The following SLC35F1 variants were observed in gnomAD, a reference collection of about 807,000 sequenced individuals.
SLC35F1 encodes solute carrier family 35 member F1.
Under a neutral mutation model 48.7 loss-of-function variants are expected in SLC35F1, and 14 were observed. The observed-to-expected ratio is 0.29, with a 90% CI of 0.19 to 0.45. The LOEUF (loss-of-function observed/expected upper bound fraction) is 0.45, where lower values mean the gene tolerates loss of function less well. Among genes scored for constraint, SLC35F1 ranks in the 20% least tolerant of loss-of-function variants. SLC35F1 has a pLI of 1.00. For missense variants in SLC35F1, 404 were observed against 500.0 expected (o/e 0.81, Z 1.83); for synonymous variants, 190 against 202.2 (o/e 0.94, Z 0.51).
At chr6:118,137,438 G>A (rs986154855) in intron 1 of SLC35F1, among the ~76,000 whole-genome samples, 1 of 152,174 alleles carries the variant, frequency 6.6e-6, no homozygotes, top group Non-Finnish European at 1.5e-5. Context: ...TCTGGACTCA[G>A]AGGAAATTCT....
chr6:118,226,760 A>C (rs565534040), intron 2 of SLC35F1, among the ~76,000 whole-genome samples: 1 of 152,184 alleles, frequency 6.6e-6, no homozygotes, highest in South Asian at 2.1e-4. Flanking sequence ...GTACAAATAT[A>C]TACTTAAGAC....
At chr6:117,916,522 A>G (rs1427571018) in intron 1 of SLC35F1, among the ~76,000 whole-genome samples, 1 of 152,116 alleles carries the variant, frequency 6.6e-6, no homozygotes, top group Non-Finnish European at 1.5e-5. Context: ...CTGTACCTAT[A>G]AGGTGATGAT....
intron 1 of SLC35F1, among the ~76,000 whole-genome samples, chr6:117,940,740 C>G (rs1423971789): frequency 6.6e-6 from 1 of 152,008 alleles, no homozygotes. Flanking sequence ...CCTCCACCTC[C>G]CAGGCTCAGG....
At chr6:118,019,638 G>A (rs925069889) in intron 1 of SLC35F1, among the ~76,000 whole-genome samples, 1 of 152,024 alleles carries the variant, frequency 6.6e-6, no homozygotes, top group Non-Finnish European at 1.5e-5. Context: ...AAAAAGAAAT[G>A]GGTAGTTGAA....
intron 2 of SLC35F1, among the ~76,000 whole-genome samples, chr6:118,232,505 G>T (rs1319235692): frequency 7.3e-6 from 1 of 137,308 alleles, no homozygotes; most frequent in Non-Finnish European, 1.5e-5. Context: ...CCAAGATCGC[G>T]CCATTGCACT....
At chr6:117,977,666 T>C (rs889861254) in intron 1 of SLC35F1, among the ~76,000 whole-genome samples, 4 of 152,172 alleles carry the variant, frequency 2.6e-5, no homozygotes, top group African/African-American at 9.7e-5. Flanking sequence ...CCATCTGCTA[T>C]ATCTGGGGTA....
At chr6:118,012,834 G>C (rs1201238581) in intron 1 of SLC35F1, among the ~76,000 whole-genome samples, 1 of 152,132 alleles carries the variant, frequency 6.6e-6, no homozygotes, top group Non-Finnish European at 1.5e-5. Context: ...GTGATCCACA[G>C]CAGTAGCTGC....
At chr6:118,056,171 T>C (rs892054962) in intron 1 of SLC35F1, among the ~76,000 whole-genome samples, 3 of 152,226 alleles carry the variant, frequency 2.0e-5, no homozygotes, top group African/African-American at 2.4e-5. Flanking sequence ...CTTAAATCTC[T>C]TATCTCTAGC....
intron 1 of SLC35F1, among the ~76,000 whole-genome samples, chr6:118,039,020 G>C (rs922577689): frequency 6.6e-6 from 1 of 152,108 alleles, no homozygotes; most frequent in Admixed American, 6.5e-5. Flanking sequence ...GCAACATCAG[G>C]TAATATTGCT....
chr6:118,129,515 C>G (rs1268620849), intron 1 of SLC35F1, among the ~76,000 whole-genome samples: 3 of 152,006 alleles, frequency 2.0e-5, no homozygotes, highest in African/African-American at 7.2e-5. Context: ...AAGGGGGACC[C>G]TGATGGGAGT....
In SLC35F1 at chr6:117,974,866, A is replaced by G. The variant is rs183829686; in HGVS notation, c.173+66967A>G. Among the ~76,000 whole-genome samples, 532 of 152,360 alleles carry G rather than the reference A, an allele frequency of 3.5e-3. 4 individuals are homozygous for G. The highest frequency in any genetic ancestry group is 0.012 in the African/African-American group (518 of 41,590). The stretch of plus-strand genomic sequence containing the variant: ...TTTTTGCAAATCTCTTTAATGTCTG[A>G]CTTAATAGAAGACAAGTGGACTCAC... On this transcript the variant is annotated intron_variant, in intron 1 of 7. Transcript: ENST00000360388.
At chr6:117,930,640 A>ATCCTT (rs1207142162) in intron 1 of SLC35F1, among the ~76,000 whole-genome samples, 1 of 152,134 alleles carries the variant, frequency 6.6e-6, no homozygotes, top group East Asian at 1.9e-4. Flanking sequence ...GTATCACTTC[A>ATCCTT]TCCTTCCTAA....
At chr6:118,252,693 G>A (rs1046653225) in intron 3 of SLC35F1, among the ~76,000 whole-genome samples, 1 of 152,128 alleles carries the variant, frequency 6.6e-6, no homozygotes, top group Non-Finnish European at 1.5e-5. Flanking sequence ...ATAGTGGAGT[G>A]GGTATAAATA....
chr6:117,928,216 G>A (rs151260245), intron 1 of SLC35F1, among the ~76,000 whole-genome samples: 2,606 of 152,202 alleles, frequency 0.017, 32 homozygotes, highest in Non-Finnish European at 0.027. Flanking sequence ...AAATGAGAGC[G>A]AATATAGAAC....
intron 7 of SLC35F1, among the ~76,000 whole-genome samples, chr6:118,307,793 T>C (rs548903971): frequency 6.6e-6 from 1 of 152,258 alleles, no homozygotes; most frequent in South Asian, 2.1e-4. Flanking sequence ...TGGCAGAGCT[T>C]TTCGTCCCAG....
intron 1 of SLC35F1, among the ~76,000 whole-genome samples, chr6:118,070,954 T>TACTATATATACATAGTAA (rs1772698433): frequency 2.2e-5 from 2 of 92,124 alleles, no homozygotes; most frequent in African/African-American, 8.1e-5. Context: ...AGTATATATA[T>TACTATATATACATAGTAA]ACTGTGTATA....
intron 1 of SLC35F1, among the ~76,000 whole-genome samples, chr6:118,099,855 T>C (rs888500516): frequency 6.6e-6 from 1 of 152,104 alleles, no homozygotes; most frequent in Non-Finnish European, 1.5e-5. Context: ...CTAAAAACAG[T>C]GGTGGAAACA....
chr6:118,024,843 A>G (rs984770277), intron 1 of SLC35F1, among the ~76,000 whole-genome samples: 1 of 152,184 alleles, frequency 6.6e-6, no homozygotes, highest in Non-Finnish European at 1.5e-5. Context: ...GTCTTTATCT[A>G]TAGGGAGAAT....
intron 6 of SLC35F1, among the ~76,000 whole-genome samples, chr6:118,281,415 T>C (rs1775983633): frequency 6.6e-6 from 1 of 152,142 alleles, no homozygotes; most frequent in Non-Finnish European, 1.5e-5. Context: ...CAGATCCATC[T>C]TTTACCCTTT....
Sources: gnomAD v4.1 joint callset for allele counts (sites outside exome capture counted in the v4.1 genomes callset) on GRCh38, gnomAD v4.1.1 for gene constraint, MANE v1.5 for transcripts, NCBI Gene and HGNC (gene_info 2026-07-23, HGNC 2026-07-21) for gene names.